Variants in NUCB2 observed in about 807,000 individuals in gnomAD.
The protein encoded by NUCB2 is nucleobindin-2.
Under a neutral mutation model 57.9 loss-of-function variants are expected in NUCB2, and 48 were observed. The ratio of observed to expected loss-of-function variants is 0.83; its 90% confidence interval spans 0.66 to 1.05. The LOEUF (loss-of-function observed/expected upper bound fraction) is 1.05. Among genes scored for constraint, NUCB2 ranks in the 50% least tolerant of loss-of-function variants. The pLI is 0.00. For synonymous variants in NUCB2, 139 were observed against 152.1 expected (o/e 0.91, Z 0.64); for missense variants, 442 against 476.2 (o/e 0.93, Z 0.67).
intron 1 of NUCB2, among the ~76,000 whole-genome samples, chr11:17,279,148 C>T (rs554113933): frequency 5.3e-5 from 8 of 152,070 alleles, no homozygotes; most frequent in Non-Finnish European, 8.8e-5. Flanking sequence ...GCCGAGATCG[C>T]GCTATTGCAC....
chr11:17,348,860 A>T (rs184429397), intron 2 of NUCB2, among the ~76,000 whole-genome samples: 1 of 151,580 alleles, frequency 6.6e-6, no homozygotes, highest in Non-Finnish European at 1.5e-5. Flanking sequence ...GCTCACTGCA[A>T]CCTCCGCTTC....
chr11:17,330,110 C>T lies in NUCB2; in HGVS notation c.1003-17C>T, dbSNP rs779029172. On this transcript the variant is annotated splice_polypyrimidine_tract_variant and intron_variant, in intron 11 of 13. Coordinates refer to ENST00000529010, the MANE Select transcript of NUCB2 (RefSeq NM_005013.4). The surrounding 1 kb of genome is among the most constrained non-coding windows in gnomAD (Gnocchi z 4.3). ...TGTAGTTTTGAGATTATTCTTTCCTCATTTTTTTTCTTTTAGACATTAGAT... is the reference window on the plus strand; with the variant it reads ...TGTAGTTTTGAGATTATTCTTTCCTTATTTTTTTTCTTTTAGACATTAGAT... 9 of 1,338,784 alleles carry T rather than the reference C, an allele frequency of 6.7e-6. No individual in the cohort carries two copies. Among genetic ancestry groups the T allele is most frequent in the African/African-American group, 2.9e-5 (2 of 69,530 alleles). 82.9% of individuals were successfully genotyped at this position (1,338,784 alleles called of 1,614,324 possible). A position where few individuals can be genotyped will look rare whatever the true frequency, so the allele number is the denominator to read the frequency against.
chr11:17,295,047 T>TCAAA (rs370595955), intron 2 of NUCB2, among the ~76,000 whole-genome samples: 302 of 152,204 alleles, frequency 2.0e-3, no homozygotes, highest in South Asian at 6.2e-3. Context: ...AAACTCTGTC[T>TCAAA]CAAACAAACA....
At chr11:17,311,527 T>G (rs2138932242) in intron 8 of NUCB2, among the ~76,000 whole-genome samples, 1 of 152,332 alleles carries the variant, frequency 6.6e-6, no homozygotes, top group Non-Finnish European at 1.5e-5. Flanking sequence ...AAGTTCTCTG[T>G]TAAGTGAAAA....
intron 2 of NUCB2, among the ~76,000 whole-genome samples, chr11:17,342,761 G>C (rs1952381755): frequency 6.7e-6 from 1 of 149,332 alleles, no homozygotes. Flanking sequence ...AATAGGTGTG[G>C]TGTGGTGCTG....
chr11:17,304,654 G>A (rs1341891169), intron 5 of NUCB2, among the ~76,000 whole-genome samples: 2 of 152,076 alleles, frequency 1.3e-5, no homozygotes, highest in African/African-American at 4.8e-5. Flanking sequence ...GGAAAATTGA[G>A]CCCCTCAATA....
chr11:17,324,794 A>AT (rs1243235751), intron 11 of NUCB2, among the ~76,000 whole-genome samples: 1 of 148,178 alleles, frequency 6.7e-6, no homozygotes, highest in Non-Finnish European at 1.5e-5. Flanking sequence ...TTATTTATTT[A>AT]TTTATTTATT....
intron 2 of NUCB2, among the ~76,000 whole-genome samples, chr11:17,341,840 T>G (rs1952295365): frequency 6.6e-6 from 1 of 152,374 alleles, no homozygotes; most frequent in South Asian, 2.1e-4. Context: ...TAAAATGAGT[T>G]AGGGAGGATT....
intron 2 of NUCB2, among the ~76,000 whole-genome samples, chr11:17,349,032 G>A (rs547034220): frequency 6.6e-6 from 1 of 152,122 alleles, no homozygotes; most frequent in South Asian, 2.1e-4. Context: ...CACCCGCCTC[G>A]GCCTCCCAAA....
chr11:17,295,982 A>C, intron 3 of NUCB2, 122 bp from the exon 4 acceptor site: 1 of 525,752 alleles, frequency 1.9e-6, no homozygotes, highest in Non-Finnish European at 3.3e-6. Context: ...ACTTTGTTGA[A>C]ACTATCAAAG....
At chr11:17,283,497 A>G (rs534178981) in intron 2 of NUCB2, 1 of 152,376 alleles carries the variant, frequency 6.6e-6, no homozygotes, top group Non-Finnish European at 1.5e-5. Flanking sequence ...CACTCATAGA[A>G]GCTTCTATAA....
At chr11:17,339,442 C>T (rs894815169) in intron 2 of NUCB2, among the ~76,000 whole-genome samples, 2 of 151,836 alleles carry the variant, frequency 1.3e-5, no homozygotes, top group Admixed American at 1.3e-4. Context: ...TGTTGGTGTG[C>T]TGCACCCATT....
chr11:17,288,962 TA>T (rs1233606097), intron 2 of NUCB2, among the ~76,000 whole-genome samples: 5,173 of 66,216 alleles, frequency 0.078, 1,127 homozygotes, highest in African/African-American at 0.12. Flanking sequence ...TATATATATA[TA>T]TTTTTTTTTT....
intron 5 of NUCB2, among the ~76,000 whole-genome samples, chr11:17,306,644 T>C (rs988319225): frequency 1.3e-5 from 2 of 152,008 alleles, no homozygotes; most frequent in Non-Finnish European, 2.9e-5. Flanking sequence ...AGGCTGGGCG[T>C]GGTGGCTCAC....
At chr11:17,316,274 A>G (rs1481205014) in intron 11 of NUCB2, among the ~76,000 whole-genome samples, 1 of 152,170 alleles carries the variant, frequency 6.6e-6, no homozygotes, top group African/African-American at 2.4e-5. Flanking sequence ...CAGGCCAGTC[A>G]TATTTATGTA....
At chr11:17,305,300 G>A (rs1591392347) in intron 5 of NUCB2, among the ~76,000 whole-genome samples, 1 of 152,010 alleles carries the variant, frequency 6.6e-6, no homozygotes, top group African/African-American at 2.4e-5. Flanking sequence ...CTCCAGCCTG[G>A]GTGACAGAGT....
chr11:17,343,844 T>A (rs1359196621), intron 2 of NUCB2, among the ~76,000 whole-genome samples: 1 of 152,210 alleles, frequency 6.6e-6, no homozygotes, highest in Non-Finnish European at 1.5e-5. Context: ...GCATCTTAAT[T>A]TTTTTCTAAC....
intron 11 of NUCB2, among the ~76,000 whole-genome samples, chr11:17,323,352 T>C (rs2634463): frequency 0.72 from 109,396 of 151,990 alleles, 39,642 homozygotes; most frequent in East Asian, 0.88. Context: ...GGTTTTTGTT[T>C]TTCATTCTGT....
chr11:17,281,707 T>C (rs949138626), intron 1 of NUCB2, among the ~76,000 whole-genome samples: 1 of 152,160 alleles, frequency 6.6e-6, no homozygotes, highest in Non-Finnish European at 1.5e-5. Flanking sequence ...GTGTTTATTT[T>C]TTACCATGTT....
Sources: allele counts gnomAD v4.1 joint callset (sites outside exome capture counted in the v4.1 genomes callset), GRCh38; gene constraint gnomAD v4.1.1; non-coding constraint Gnocchi (gnomAD v3.1); transcripts MANE v1.5; gene names NCBI Gene and HGNC (gene_info 2026-07-23, HGNC 2026-07-21).